PDPK1: variants seen among roughly 807,000 people sequenced by gnomAD.
PDPK1 encodes the protein 3-phosphoinositide dependent protein kinase 1.
Under a neutral mutation model 39.8 loss-of-function variants are expected in PDPK1, and 7 were observed. That is an observed-to-expected ratio of 0.18 (90% CI 0.10 to 0.33). The LOEUF (loss-of-function observed/expected upper bound fraction) is 0.33. PDPK1 is among the 10% of genes least tolerant of loss of function. The pLI is 1.00. For synonymous variants in PDPK1, 118 were observed against 159.1 expected (o/e 0.74, Z 1.95); for missense variants, 182 against 384.7 (o/e 0.47, Z 4.41).
chr16:2,597,390 C>G lies in PDPK1; in HGVS notation c.1554+115C>G. On this transcript the variant is annotated intron_variant, in intron 13 of 13. Coordinates refer to ENST00000342085, the MANE Select transcript of PDPK1 (RefSeq NM_002613.5). This position sits in a 1 kb window ranked among gnomAD's most constrained non-coding sequence, Gnocchi z 6.3. The stretch of plus-strand genomic sequence containing the variant: ...GCAGCGGGGATCGGGGCAGCTGCCT[C>G]GCCCTTTCCGACATCCCAGACGCCC... 2 of 956,480 alleles carry G rather than the reference C, an allele frequency of 2.1e-6. No individual in the cohort carries two copies. The highest frequency in any genetic ancestry group is 2.4e-5 in the East Asian group (1 of 41,340). 59.2% of individuals were successfully genotyped at this position (956,480 alleles called of 1,614,324 possible). A position where few individuals can be genotyped will look rare whatever the true frequency, so the allele number is the denominator to read the frequency against.
rs1406167122 is a variant in PDPK1, at chr16:2,595,779, G to A, written c.1344-14G>A. On this transcript the variant is annotated splice_polypyrimidine_tract_variant and intron_variant, in intron 11 of 13. Coordinates refer to ENST00000342085, the MANE Select transcript of PDPK1 (RefSeq NM_002613.5). The stretch of plus-strand genomic sequence containing the variant: ...ATTGTCATGGGAGCATCTCTTTCTT[G>A]TTTCTTTCCACAGGCACCAGTTTGT... 6.2e-7 allele frequency: 1 copy of A among 1,604,324 alleles called. No individual in the cohort carries two copies. The highest frequency in any genetic ancestry group is 1.3e-5 in the African/African-American group (1 of 74,748).
At chr16:2,592,755 G>A (rs902526726) in intron 11 of PDPK1, 9 of 454,696 alleles carry the variant, frequency 2.0e-5, no homozygotes, top group African/African-American at 4.0e-5. Flanking sequence ...AGGTGAATCC[G>A]CTGCACACAC....
intron 6 of PDPK1, 167 bp from the exon 7 acceptor site, chr16:2,577,258 G>A (rs1331729237): frequency 1.4e-6 from 1 of 713,064 alleles, no homozygotes; most frequent in East Asian, 2.9e-5. Flanking sequence ...CCGGTGTCCA[G>A]GGATCAGGCA....
intron 6 of PDPK1, 121 bp from the exon 7 acceptor site, chr16:2,577,304 G>C: frequency 1.4e-6 from 1 of 703,060 alleles, no homozygotes; most frequent in East Asian, 2.9e-5. Flanking sequence ...AGCCAGCCCC[G>C]GTGCGCCCCG....
rs1321134921 is a variant in PDPK1, at chr16:2,599,742, C to G, written c.*1975C>G. On this transcript the variant is annotated 3_prime_UTR_variant, in exon 14 of 14. Coordinates refer to ENST00000342085, the MANE Select transcript of PDPK1 (RefSeq NM_002613.5). ...ATCAGCTATTTTACCCATCTCAGAA[C>G]GTCCTGTGTCTCCATGTAGGAGAGT... is the stretch of plus-strand genomic sequence containing the variant. 4.4e-6 allele frequency: 1 copy of G among 228,828 alleles called. No individual in the cohort carries two copies. The allele number at this position is 228,828 out of a possible 1,614,324, so 14.2% of individuals were successfully genotyped here. A position where few individuals can be genotyped will look rare whatever the true frequency, so the allele number is the denominator to read the frequency against.
rs1229487437 is a variant in PDPK1, at chr16:2,602,518, G to A, written c.*4751G>A. On this transcript the variant is annotated 3_prime_UTR_variant, in exon 14 of 14. Transcript: ENST00000342085. ...ACAAAAGGCAGACCTTTTTTAAGCT[G>A]TGTAACCCACATAGCCTAACCACCT... is the stretch of plus-strand genomic sequence containing the variant. The A allele has an allele frequency of 8.5e-6, 2 of 234,790 alleles. No individual in the cohort carries two copies. Among genetic ancestry groups the A allele is most frequent in the Non-Finnish European group, 1.7e-5 (2 of 118,086 alleles). The allele number at this position is 234,790 out of a possible 1,614,324, so 14.5% of individuals were successfully genotyped here. A position where few individuals can be genotyped will look rare whatever the true frequency, so the allele number is the denominator to read the frequency against.
At chr16:2,560,142 CCTT>C (rs1359034767) in intron 2 of PDPK1, among the ~76,000 whole-genome samples, 26 of 151,830 alleles carry the variant, frequency 1.7e-4, no homozygotes, top group Admixed American at 3.3e-4. Flanking sequence ...GAGGATCCTT[CCTT>C]CTTGTAGGAA....
At chr16:2,585,905 C>T (rs2066863574) in intron 10 of PDPK1, among the ~76,000 whole-genome samples, 1 of 152,216 alleles carries the variant, frequency 6.6e-6, no homozygotes, top group African/African-American at 2.4e-5. Flanking sequence ...CTAGCCATTG[C>T]TCGTGGCACC....
intron 10 of PDPK1, 74 bp from the exon 11 acceptor site, chr16:2,586,602 G>A (rs924146033): frequency 1.0e-4 from 136 of 1,328,578 alleles, no homozygotes; most frequent in Non-Finnish European, 1.4e-4. Flanking sequence ...CAGCGGCAGT[G>A]CGGGAGGGGC....
In PDPK1 at chr16:2,538,131, C is replaced by G; in HGVS notation, c.19C>G (p.Gln7Glu). 1.9e-6 allele frequency: 2 copies of G among 1,064,758 alleles called. No individual in the cohort carries two copies. The highest frequency in any genetic ancestry group is 2.3e-6 in the Non-Finnish European group (2 of 880,534). The allele number at this position is 1,064,758 out of a possible 1,614,324, so 66.0% of individuals were successfully genotyped here. A position where few individuals can be genotyped will look rare whatever the true frequency, so the allele number is the denominator to read the frequency against. MARTTS[Q>E]LYDAVPIQSS... ...GGGGCCCATGGCCAGGACCACCAGCCAGCTGGTGAGCGCGCGGCGGCGGAC... is the reference window on the plus strand; with the variant it reads ...GGGGCCCATGGCCAGGACCACCAGCGAGCTGGTGAGCGCGCGGCGGCGGAC... Residue 7 changes from glutamine (Q) to glutamate (E), a missense_variant, in exon 1 of 14, where the codon CAG becomes GAG. Physicochemically the swap from Gln to Glu is conservative, Grantham distance 29 (BLOSUM62 2). Around this residue, in one of 5 missense-constraint regions of PDPK1, gnomAD observed 14 missense variants for 16.3 expected, o/e 0.86. Coordinates refer to ENST00000342085, the MANE Select transcript of PDPK1 (RefSeq NM_002613.5).
Position 2,543,706 on chromosome 16 carries a change from C to G in PDPK1, c.24+5570C>G, listed in dbSNP as rs146590250. Reference sequence around the variant, plus strand: ...GGCTGTACAGTCTTTTCTGACCAGTCTGCTGGGTTTTTTGTTATTTGTTTT... The same window carrying G: ...GGCTGTACAGTCTTTTCTGACCAGTGTGCTGGGTTTTTTGTTATTTGTTTT... On this transcript the variant is annotated intron_variant, in intron 1 of 13. Coordinates refer to ENST00000342085, the MANE Select transcript of PDPK1 (RefSeq NM_002613.5). Among the ~76,000 whole-genome samples, 351 of 152,262 alleles carry G rather than the reference C, an allele frequency of 2.3e-3. 2 individuals carry two copies. Among genetic ancestry groups the G allele is most frequent in the African/African-American group, 8.1e-3 (338 of 41,556 alleles).
At chr16:2,545,219 G>A (rs555459382) in intron 1 of PDPK1, among the ~76,000 whole-genome samples, 2 of 152,040 alleles carry the variant, frequency 1.3e-5, no homozygotes, top group African/African-American at 4.8e-5. Context: ...TGCATTTTTA[G>A]TAGAGGTGGA....
At chr16:2,585,389 G>A (rs923411704) in intron 10 of PDPK1, among the ~76,000 whole-genome samples, 2 of 152,196 alleles carry the variant, frequency 1.3e-5, no homozygotes, top group Admixed American at 6.5e-5. Context: ...CTTGGCAAAC[G>A]GTGTCAAGCA....
intron 10 of PDPK1, among the ~76,000 whole-genome samples, chr16:2,585,764 G>A (rs538073894): frequency 6.6e-6 from 1 of 152,366 alleles, no homozygotes; most frequent in South Asian, 2.1e-4. Context: ...GCTGTGAGGC[G>A]GGGCTGTGGT....
rs751645751 is a variant in PDPK1, at chr16:2,538,662, G to C, written c.24+526G>C. 5 of 1,288,866 alleles carry C rather than the reference G, an allele frequency of 3.9e-6. No homozygotes were observed. The Admixed American group carries it at 9.2e-5, about 24-fold the overall frequency. The allele number at this position is 1,288,866 out of a possible 1,614,324, so 79.8% of individuals were successfully genotyped here. On this transcript the variant is annotated intron_variant, in intron 1 of 13. Coordinates refer to ENST00000342085, the MANE Select transcript of PDPK1 (RefSeq NM_002613.5). ...CGGGAAAACTCGCCTTTCACGGCCC[G>C]GCCAAGGGGCATTTGGGTGCTTTTG...
At position 2,546,601 on chromosome 16, in the gene PDPK1, A is replaced by G. The variant is rs1321078044; in HGVS notation, c.24+8465A>G. ...TGCCTTGGCCTCCCAAAGTGCTGGG[A>G]TTACAGGTGTGAACCACCGTGCCCG... On this transcript the variant is annotated intron_variant, in intron 1 of 13. Coordinates refer to ENST00000342085, the MANE Select transcript of PDPK1 (RefSeq NM_002613.5). 3.3e-5 allele frequency among the ~76,000 whole-genome samples: 5 copies of G among 152,168 alleles called. No individual in the cohort carries two copies. The East Asian group carries it at 7.7e-4, about 23-fold the overall frequency.
chr16:2,597,361 G>A lies in PDPK1; in HGVS notation c.1554+86G>A. 1.7e-6 allele frequency: 2 copies of A among 1,200,694 alleles called. No individual in the cohort carries two copies. Among genetic ancestry groups the A allele is most frequent in the Admixed American group, 2.2e-5 (1 of 46,194 alleles). The allele number at this position is 1,200,694 out of a possible 1,614,324, so 74.4% of individuals were successfully genotyped here. ...GAAGCAGCCACAGGCCTTGGCCAGA[G>A]GGAGCAGCGGGGATCGGGGCAGCTG... On this transcript the variant is annotated intron_variant, in intron 13 of 13. Transcript: ENST00000342085. The surrounding 1 kb of genome is among the most constrained non-coding windows in gnomAD (Gnocchi z 6.3).
In PDPK1 at chr16:2,602,841, ATTC is replaced by A. The variant is rs1430859256; in HGVS notation, c.*5077_*5079del. ...CTAGGATATACACTTTTGTATTTTTATTCTTATATAAGGTTATTTGCTGGCTAT... is the reference window on the plus strand; with the variant it reads ...CTAGGATATACACTTTTGTATTTTTATTATATAAGGTTATTTGCTGGCTAT... On this transcript the variant is annotated 3_prime_UTR_variant, in exon 14 of 14. Transcript: ENST00000342085. 3 of 233,860 alleles carry A rather than the reference ATTC, an allele frequency of 1.3e-5. No individual in the cohort carries two copies. Among genetic ancestry groups the A allele is most frequent in the African/African-American group, 6.6e-5 (3 of 45,320 alleles). 14.5% of individuals were successfully genotyped at this position (233,860 alleles called of 1,614,324 possible).
chr16:2,587,044 C>A, intron 11 of PDPK1, 151 bp downstream of exon 11: 1 of 717,356 alleles, frequency 1.4e-6, no homozygotes, highest in Non-Finnish European at 2.4e-6. Flanking sequence ...CAGTTGGAAA[C>A]AGGTGCTTAG....
Sources: allele counts gnomAD v4.1 joint callset (sites outside exome capture counted in the v4.1 genomes callset), GRCh38; gene constraint gnomAD v4.1.1; regional missense constraint gnomAD v4.1.1; non-coding constraint Gnocchi (gnomAD v3.1); transcripts MANE v1.5; gene names NCBI Gene and HGNC (gene_info 2026-07-23, HGNC 2026-07-21).